Variants in BBS12 observed in about 807,000 individuals in gnomAD.
BBS12 encodes the protein Bardet-Biedl syndrome 12.
BBS12 carries 5 observed loss-of-function variants against 5.6 expected under a neutral mutation model. The ratio of observed to expected loss-of-function variants is 0.89; its 90% CI spans 0.46 to 1.86. The LOEUF (loss-of-function observed/expected upper bound fraction) is 1.86, where lower values mean the gene tolerates loss of function less well. Ranked by LOEUF, BBS12 falls within the 40% of genes most tolerant of loss-of-function variation. BBS12 has a pLI of 0.01. For synonymous variants in BBS12, 308 were observed against 306.8 expected (o/e 1.00, Z -0.04); for missense variants, 748 against 830.4 (o/e 0.90, Z 1.22).
At chr4:122,709,649 T>C in the BBS12 span, among the ~76,000 whole-genome samples, 6 of 152,170 alleles carry the variant, frequency 3.9e-5, no homozygotes, top group East Asian at 5.8e-4. Context: ...TATATATATA[T>C]TCTTTCTTTT....
Position 122,742,287 on chromosome 4 carries a change from T to C in BBS12, c.395T>C (p.Val132Ala). Reference protein sequence around the residue: ...FCSEEVVSLHVPVHNIFDCMD... With the variant: ...FCSEEVVSLHAPVHNIFDCMD... Reference sequence around the variant, plus strand: ...AGTGAAGAGGTAGTTTCTCTTCATGTACCTGTTCACAATATATTTGACTGT... The same window carrying C: ...AGTGAAGAGGTAGTTTCTCTTCATGCACCTGTTCACAATATATTTGACTGT... The change falls in exon 2 of 2, where the codon GTA (valine) becomes GCA (alanine). Residue 132 changes from valine to alanine, a missense_variant. Transcript: ENST00000314218. 1 of 1,613,944 alleles carries C rather than the reference T, an allele frequency of 6.2e-7. No homozygotes were observed. Among genetic ancestry groups the C allele is most frequent in the Non-Finnish European group, 8.5e-7 (1 of 1,179,958 alleles).
the BBS12 span, among the ~76,000 whole-genome samples, chr4:122,714,645 TAC>T: frequency 6.6e-5 from 10 of 150,838 alleles, no homozygotes; most frequent in East Asian, 3.9e-4. Flanking sequence ...TATAAATATA[TAC>T]ACACACACAC....
the BBS12 span, among the ~76,000 whole-genome samples, chr4:122,704,460 C>A: frequency 6.6e-6 from 1 of 152,220 alleles, no homozygotes; most frequent in Non-Finnish European, 1.5e-5. Context: ...CTTCCTTGGA[C>A]CCTAGCTGGC....
the BBS12 span, among the ~76,000 whole-genome samples, chr4:122,714,406 A>G: frequency 6.6e-6 from 1 of 152,172 alleles, no homozygotes; most frequent in Non-Finnish European, 1.5e-5. Context: ...GATGGTGGCT[A>G]TCCTAGAAAA....
the BBS12 span, among the ~76,000 whole-genome samples, chr4:122,716,684 CATAT>C: frequency 0.16 from 13,745 of 83,488 alleles, 2,119 homozygotes; most frequent in East Asian, 0.22. Context: ...TATATATACA[CATAT>C]GTGTATGTGT....
chr4:122,714,497 C>T, the BBS12 span, among the ~76,000 whole-genome samples: 2 of 113,882 alleles, frequency 1.8e-5, no homozygotes, highest in East Asian at 6.8e-4. Flanking sequence ...ATTACAGAAA[C>T]TGCCAGGCGT....
Position 122,744,175 on chromosome 4 carries a change from A to G in BBS12, c.*150A>G, listed in dbSNP as rs1800950303. On this transcript the variant is annotated 3_prime_UTR_variant, in exon 2 of 2. Transcript: ENST00000314218. ...TGTCAATAACTGTGCATGGTCTGAGATTTTACCCTACTTATAAGCTAACAA... is the reference window on the plus strand; with the variant it reads ...TGTCAATAACTGTGCATGGTCTGAGGTTTTACCCTACTTATAAGCTAACAA... 3 of 807,888 alleles carry G rather than the reference A, an allele frequency of 3.7e-6. No homozygotes were observed. Among genetic ancestry groups the G allele is most frequent in the Middle Eastern group, 3.5e-4 (1 of 2,828 alleles). The allele number at this position is 807,888 out of a possible 1,614,324, so 50.0% of individuals were successfully genotyped here.
chr4:122,709,728 C>T, the BBS12 span, among the ~76,000 whole-genome samples: 67 of 152,160 alleles, frequency 4.4e-4, 1 homozygote, highest in African/African-American at 1.5e-3. Context: ...GACCTTGGCT[C>T]ACTGCAACCT....
Position 122,737,453 on chromosome 4 carries a change from C to T in BBS12, c.-10-4430C>T, listed in dbSNP as rs1800799325. On this transcript the variant is annotated intron_variant, in intron 1 of 1. Transcript: ENST00000314218. Reference sequence around the variant, plus strand: ...TTATGTAACTATTCTGCTTCATTTTCCACATCACTAAAATAGATTATAGTA... The same window carrying T: ...TTATGTAACTATTCTGCTTCATTTTTCACATCACTAAAATAGATTATAGTA... 2.0e-5 allele frequency among the ~76,000 whole-genome samples: 3 copies of T among 152,298 alleles called. No homozygotes were observed. The South Asian group carries it at 6.2e-4, about 32-fold the overall frequency.
the BBS12 span, among the ~76,000 whole-genome samples, chr4:122,707,122 C>T: frequency 2.8e-5 from 4 of 141,564 alleles, no homozygotes; most frequent in South Asian, 2.3e-4. Context: ...AAGCTGTCCT[C>T]GAACTCATGG....
At chr4:122,741,041 T>A (rs1800862721) in intron 1 of BBS12, among the ~76,000 whole-genome samples, 1 of 152,218 alleles carries the variant, frequency 6.6e-6, no homozygotes, top group Admixed American at 6.5e-5. Context: ...TGTTTCTTGA[T>A]CTTTTTTATT....
intron 1 of BBS12, among the ~76,000 whole-genome samples, chr4:122,733,735 C>T (rs748472370): frequency 2.6e-5 from 4 of 152,140 alleles, no homozygotes; most frequent in Non-Finnish European, 4.4e-5. Flanking sequence ...AACTTCTAAC[C>T]TTTAATTGCT....
chr4:122,712,573 G>A, the BBS12 span, among the ~76,000 whole-genome samples: 1 of 152,206 alleles, frequency 6.6e-6, no homozygotes, highest in Admixed American at 6.5e-5. Flanking sequence ...CACTCTTCAA[G>A]TACAAATGCA....
At chr4:122,714,847 A>G in the BBS12 span, among the ~76,000 whole-genome samples, 1 of 152,168 alleles carries the variant, frequency 6.6e-6, no homozygotes, top group African/African-American at 2.4e-5. Context: ...ACAATAGTTT[A>G]TAATTTTTTG....
At chr4:122,722,154 T>C in the BBS12 span, among the ~76,000 whole-genome samples, 2 of 152,226 alleles carry the variant, frequency 1.3e-5, no homozygotes, top group South Asian at 4.1e-4. Flanking sequence ...CTTATGGATA[T>C]ACTATTGACT....
At chr4:122,736,747 G>T (rs978565284) in intron 1 of BBS12, among the ~76,000 whole-genome samples, 4 of 152,084 alleles carry the variant, frequency 2.6e-5, no homozygotes, top group African/African-American at 4.8e-5. Flanking sequence ...TATCCACTTT[G>T]TTATCCCCTT....
chr4:122,719,488 TAACACTCACC>T, the BBS12 span, among the ~76,000 whole-genome samples: 358 of 152,210 alleles, frequency 2.4e-3, 2 homozygotes, highest in African/African-American at 8.3e-3. Flanking sequence ...TTATGAGTTG[TAACACTCACC>T]GTGAGGGTCT....
chr4:122,721,545 G>T, the BBS12 span, among the ~76,000 whole-genome samples: 2 of 152,148 alleles, frequency 1.3e-5, no homozygotes, highest in East Asian at 3.8e-4. Flanking sequence ...ATTTAGGCAG[G>T]GTTTAGTGGG....
upstream of BBS12, chr4:122,732,599 A>T (rs985390248): frequency 3.9e-5 from 6 of 152,454 alleles, no homozygotes; most frequent in East Asian, 1.2e-3. Context: ...ATGGACAGAA[A>T]AAAAGGCCTT....
Sources: allele counts gnomAD v4.1 joint callset (sites outside exome capture counted in the v4.1 genomes callset), GRCh38; gene constraint gnomAD v4.1.1; transcripts MANE v1.5; gene names NCBI Gene and HGNC (gene_info 2026-07-23, HGNC 2026-07-21).